POLA1: variants seen among roughly 807,000 people sequenced by gnomAD.
POLA1 encodes DNA polymerase alpha 1, catalytic subunit.
A neutral mutation model predicts 124.0 loss-of-function variants in POLA1; 15 were observed. The observed-to-expected ratio is 0.12, with a 90% CI of 0.08 to 0.19. The LOEUF is 0.19. POLA1 is among the 10% of genes least tolerant of loss of function. The pLI is 1.00. For missense variants in POLA1, 886 were observed against 1,103.4 expected (o/e 0.80, Z 2.79); for synonymous variants, 408 against 389.4 (o/e 1.05, Z -0.56).
At chrX:24,732,115 C>T (rs1350268301) in intron 15 of POLA1, among the ~76,000 whole-genome samples, 1 of 110,743 alleles carries the variant, frequency 9.0e-6, no homozygotes, top group African/African-American at 3.3e-5. Flanking sequence ...CCACCATGCC[C>T]AGCTAAGTAC....
chrX:24,890,818 G>A (rs1322279340), intron 35 of POLA1, among the ~76,000 whole-genome samples: 1 of 111,897 alleles, frequency 8.9e-6, no homozygotes, highest in East Asian at 2.8e-4. Flanking sequence ...TTATTTTTAC[G>A]TCATTCTTGT....
At chrX:24,793,113 C>T (rs980975172) in intron 26 of POLA1, among the ~76,000 whole-genome samples, 26 of 108,630 alleles carry the variant, frequency 2.4e-4, no homozygotes, top group Non-Finnish European at 4.6e-4. Context: ...CCCATCTCTA[C>T]GAAAAATACA....
chrX:24,765,598 T>C (rs913860544), intron 26 of POLA1, among the ~76,000 whole-genome samples: 10 of 111,575 alleles, frequency 9.0e-5, no homozygotes, highest in African/African-American at 3.3e-4. Flanking sequence ...CGCCTGGCCT[T>C]ATGCCACCTT....
intron 31 of POLA1, among the ~76,000 whole-genome samples, chrX:24,824,200 T>C (rs2046135847): frequency 8.9e-6 from 1 of 112,033 alleles, no homozygotes; most frequent in African/African-American, 3.2e-5. Flanking sequence ...CAGCGTTGCT[T>C]CTTAATCTGT....
At chrX:24,865,371 G>A (rs1286941355) in intron 34 of POLA1, among the ~76,000 whole-genome samples, 1 of 112,008 alleles carries the variant, frequency 8.9e-6, no homozygotes, top group East Asian at 2.8e-4. Flanking sequence ...AAGGTTGACA[G>A]TTGTACTCCA....
rs772358629 is a variant in POLA1, at chrX:24,971,564, A to G, written c.4262-24241A>G. Among the ~76,000 whole-genome samples the G allele has an allele frequency of 4.5e-5, 5 of 112,031 alleles. No individual in the cohort carries two copies. The South Asian group carries it at 1.5e-3, about 34-fold the overall frequency. ...AGGTTTTAAGAGTTATTTGCCTCAC[A>G]CTGTCCCCTGGCACTTCTACCTGGC... On this transcript the variant is annotated intron_variant, in intron 36 of 36. Coordinates refer to ENST00000379068, the MANE Select transcript of POLA1 (RefSeq NM_001330360.2).
intron 36 of POLA1, among the ~76,000 whole-genome samples, chrX:24,993,802 C>T (rs148084016): frequency 1.0e-3 from 115 of 111,693 alleles, no homozygotes; most frequent in Non-Finnish European, 1.5e-3. Context: ...CTCTAACTGG[C>T]GTGGAATGGT....
At chrX:24,700,369 A>G (rs1370937989) in intron 2 of POLA1, among the ~76,000 whole-genome samples, 2 of 111,651 alleles carry the variant, frequency 1.8e-5, no homozygotes, top group African/African-American at 6.5e-5. Flanking sequence ...TTGAACCCAG[A>G]CAGTCTGGCT....
chrX:24,766,684 G>A (rs1193229474), intron 26 of POLA1, among the ~76,000 whole-genome samples: 7 of 111,730 alleles, frequency 6.3e-5, no homozygotes, highest in South Asian at 7.6e-4. Flanking sequence ...GGTTATTGAA[G>A]GAGCTGGGTT....
At chrX:24,785,340 ATG>A (rs2045341708) in intron 26 of POLA1, among the ~76,000 whole-genome samples, 1 of 111,845 alleles carries the variant, frequency 8.9e-6, no homozygotes, top group African/African-American at 3.3e-5. Context: ...CTGTGTAAGA[ATG>A]GTCTCATGAG....
intron 36 of POLA1, among the ~76,000 whole-genome samples, chrX:24,967,979 G>T (rs2048245322): frequency 9.0e-6 from 1 of 111,398 alleles, no homozygotes; most frequent in African/African-American, 3.3e-5. Context: ...ACACTTAATG[G>T]TACCTTTACC....
intron 36 of POLA1, among the ~76,000 whole-genome samples, 159 bp downstream of exon 36, chrX:24,930,708 C>T (rs11573486): frequency 1.1e-4 from 12 of 112,318 alleles, no homozygotes; most frequent in African/African-American, 2.9e-4. Context: ...GCATGAGGGG[C>T]GGTGGCATAG....
At chrX:24,828,691 C>T (rs2046212891) in intron 32 of POLA1, among the ~76,000 whole-genome samples, 1 of 111,436 alleles carries the variant, frequency 9.0e-6, no homozygotes, top group Admixed American at 9.5e-5. Flanking sequence ...TTTTTGGTGA[C>T]CCAGCACTGA....
At chrX:24,978,609 A>G (rs2048391216) in intron 36 of POLA1, among the ~76,000 whole-genome samples, 2 of 112,197 alleles carry the variant, frequency 1.8e-5, no homozygotes, top group Admixed American at 9.5e-5. Flanking sequence ...CCTATGAAGT[A>G]GGTACTGCTG....
At chrX:24,763,942 G>A (rs1288617693) in intron 26 of POLA1, among the ~76,000 whole-genome samples, 1 of 111,479 alleles carries the variant, frequency 9.0e-6, no homozygotes, top group African/African-American at 3.3e-5. Flanking sequence ...TGTCAGAACT[G>A]GAATCCAGGC....
intron 36 of POLA1, among the ~76,000 whole-genome samples, chrX:24,974,115 A>G (rs2048337241): frequency 9.0e-6 from 1 of 111,459 alleles, no homozygotes; most frequent in Non-Finnish European, 1.9e-5. Context: ...CACATGGGAA[A>G]AATGAGCCTT....
intron 30 of POLA1, among the ~76,000 whole-genome samples, chrX:24,819,283 G>A (rs994430610): frequency 2.7e-5 from 3 of 111,817 alleles, no homozygotes; most frequent in Non-Finnish European, 5.6e-5. Context: ...AAGCTTTCCG[G>A]CTCACAGAAG....
chrX:24,831,673 G>A (rs1470220017), intron 32 of POLA1, among the ~76,000 whole-genome samples: 2 of 111,941 alleles, frequency 1.8e-5, no homozygotes, highest in South Asian at 3.7e-4. Context: ...CGCCTGCCTC[G>A]GCCTCCCAGA....
At chrX:24,981,604 CT>C (rs1569385015) in intron 36 of POLA1, among the ~76,000 whole-genome samples, 1 of 112,064 alleles carries the variant, frequency 8.9e-6, no homozygotes, top group Admixed American at 9.4e-5. Context: ...TTTGTAAAGC[CT>C]TTTTTTCAGA....
Sources: allele counts gnomAD v4.1 joint callset (sites outside exome capture counted in the v4.1 genomes callset), GRCh38; gene constraint gnomAD v4.1.1; transcripts MANE v1.5; gene names NCBI Gene and HGNC (gene_info 2026-07-23, HGNC 2026-07-21).